Variants in NAV2 observed in about 807,000 individuals in gnomAD.
The protein encoded by NAV2 is helicase, APC down-regulated 1.
A neutral mutation model predicts 223.2 loss-of-function variants in NAV2; 54 were observed. That is an observed-to-expected ratio of 0.24 (90% confidence interval 0.19 to 0.30). NAV2 has a LOEUF of 0.30. NAV2 is among the 10% of genes least tolerant of loss of function. The pLI is 1.00. For missense variants in NAV2, 2,806 were observed against 3,147.5 expected, an observed-to-expected ratio of 0.89 and a Z score of 2.60; for synonymous variants, 1,279 against 1,239.3, an observed-to-expected ratio of 1.03 and a Z score of -0.67.
intron 1 of NAV2, among the ~76,000 whole-genome samples, chr11:19,620,626 G>T (rs1252945024): frequency 6.6e-6 from 1 of 152,208 alleles, no homozygotes; most frequent in Non-Finnish European, 1.5e-5. Context: ...CTGAGACTTT[G>T]CTGAAGTTGC....
chr11:19,355,778 T>A (rs1190581685), intron 1 of NAV2, among the ~76,000 whole-genome samples: 1 of 152,206 alleles, frequency 6.6e-6, no homozygotes, highest in African/African-American at 2.4e-5. Flanking sequence ...CCGGGAACAA[T>A]GCCCATGTCA....
chr11:19,545,980 A>C (rs775726906), intron 1 of NAV2, among the ~76,000 whole-genome samples: 15 of 152,198 alleles, frequency 9.9e-5, no homozygotes, highest in Non-Finnish European at 1.0e-4. Context: ...AATCTAATCT[A>C]AATGAAAGCA....
At chr11:19,905,243 T>C (rs2042772909) in intron 6 of NAV2, among the ~76,000 whole-genome samples, 1 of 152,188 alleles carries the variant, frequency 6.6e-6, no homozygotes. Context: ...TGTCTTGAAC[T>C]TGCCAAGTTC....
chr11:19,349,866 T>G (rs910782462), upstream of NAV2, among the ~76,000 whole-genome samples: 2 of 152,162 alleles, frequency 1.3e-5, no homozygotes, highest in African/African-American at 4.8e-5. Context: ...GAGTGTCTGC[T>G]CTATCTGCAG....
intron 1 of NAV2, among the ~76,000 whole-genome samples, chr11:19,809,070 T>C (rs1190981585): frequency 6.6e-6 from 1 of 152,238 alleles, no homozygotes; most frequent in Non-Finnish European, 1.5e-5. Context: ...AAATAGTTCT[T>C]TCATGGCCCT....
At chr11:19,400,022 G>A in intron 1 of NAV2, among the ~76,000 whole-genome samples, 1 of 152,206 alleles carries the variant, frequency 6.6e-6, no homozygotes, top group East Asian at 1.9e-4. Context: ...ATGAGAATAT[G>A]GGAAAGAATG....
chr11:19,624,800 C>G (rs188302073), intron 1 of NAV2, among the ~76,000 whole-genome samples: 2 of 152,184 alleles, frequency 1.3e-5, no homozygotes, highest in Admixed American at 1.3e-4. Context: ...GAGATGAACC[C>G]GGTACCTCAG....
intron 1 of NAV2, chr11:19,504,322 T>C (rs2043053492): frequency 6.6e-6 from 1 of 152,230 alleles, no homozygotes; most frequent in African/African-American, 2.4e-5. Flanking sequence ...AAGATCTCTT[T>C]TAGGCTCATG....
At chr11:19,699,638 T>C (rs2049452267) in intron 1 of NAV2, among the ~76,000 whole-genome samples, 1 of 152,176 alleles carries the variant, frequency 6.6e-6, no homozygotes, top group Non-Finnish European at 1.5e-5. Context: ...TATGTGATAC[T>C]CCATAGTAGA....
At chr11:20,018,691 A>G (rs1415809987) in intron 11 of NAV2, among the ~76,000 whole-genome samples, 2 of 152,212 alleles carry the variant, frequency 1.3e-5, no homozygotes, top group Non-Finnish European at 2.9e-5. Context: ...CTCAGAACAA[A>G]GGCAAACAGT....
At chr11:19,800,534 C>T (rs1299540129) in intron 1 of NAV2, among the ~76,000 whole-genome samples, 1 of 152,198 alleles carries the variant, frequency 6.6e-6, no homozygotes, top group African/African-American at 2.4e-5. Context: ...CCTCTCTTGA[C>T]CAAATCATGT....
chr11:19,749,641 T>C (rs1213476473), intron 1 of NAV2, among the ~76,000 whole-genome samples: 1 of 152,202 alleles, frequency 6.6e-6, no homozygotes, highest in Admixed American at 6.5e-5. Context: ...CGTTACCTAC[T>C]TGTCATGACT....
At chr11:19,868,811 C>G in intron 3 of NAV2, 114 bp from the exon 4 acceptor site, 1 of 900,634 alleles carries the variant, frequency 1.1e-6, no homozygotes, top group Non-Finnish European at 1.7e-6. Flanking sequence ...CCTATCTTGG[C>G]GTTCGTTCAT....
chr11:19,667,104 C>A (rs2048434426), intron 1 of NAV2, among the ~76,000 whole-genome samples: 1 of 152,154 alleles, frequency 6.6e-6, no homozygotes, highest in Non-Finnish European at 1.5e-5. Context: ...CCCCAGGAAG[C>A]TGCTAGCTGT....
At chr11:19,587,139 C>A (rs2045926950) in intron 1 of NAV2, among the ~76,000 whole-genome samples, 1 of 152,178 alleles carries the variant, frequency 6.6e-6, no homozygotes, top group African/African-American at 2.4e-5. Flanking sequence ...GCTGTGCTAG[C>A]AATGAGCAAG....
At chr11:19,365,497 G>A (rs868372981) in intron 1 of NAV2, among the ~76,000 whole-genome samples, 1 of 152,232 alleles carries the variant, frequency 6.6e-6, no homozygotes, top group Non-Finnish European at 1.5e-5. Flanking sequence ...ATCAACAGCT[G>A]TTATAACCTG....
chr11:19,997,883 C>T (rs1263068724), intron 11 of NAV2, among the ~76,000 whole-genome samples: 2 of 152,146 alleles, frequency 1.3e-5, no homozygotes, highest in African/African-American at 2.4e-5. Flanking sequence ...TATAGCCCTG[C>T]CTTCCACACT....
At chr11:19,714,776 C>G (rs1271028798) in intron 1 of NAV2, among the ~76,000 whole-genome samples, 1 of 152,214 alleles carries the variant, frequency 6.6e-6, no homozygotes, top group Non-Finnish European at 1.5e-5. Flanking sequence ...TGCATCCAGA[C>G]AAGCCCTGGC....
rs527326410 is a variant in NAV2, at chr11:19,526,473, G to A, written c.75+175446G>A. Among the ~76,000 whole-genome samples the A allele has an allele frequency of 6.1e-4, 93 of 151,952 alleles. 1 individual carries two copies. The highest frequency in any genetic ancestry group is 7.9e-4 in the Admixed American group (12 of 15,258). On this transcript the variant is annotated intron_variant, in intron 1 of 37. Coordinates refer to the NAV2 transcript ENST00000360655. ...TCAGCTTCAGAGTCAGCCTTGTCTC[G>A]GGGGAATGAATATGATTGGCCTCTT...
Sources: gnomAD v4.1 joint callset for allele counts (sites outside exome capture counted in the v4.1 genomes callset) on GRCh38, gnomAD v4.1.1 for gene constraint, MANE v1.5 for transcripts, NCBI Gene and HGNC (gene_info 2026-07-23, HGNC 2026-07-21) for gene names.